The following SIGLECL1 variants were observed in gnomAD, a reference collection of about 807,000 sequenced individuals.
SIGLECL1 encodes SIGLEC family-like protein 1.
Under a neutral mutation model 19.1 loss-of-function variants are expected in SIGLECL1, and 16 were observed. The ratio of observed to expected loss-of-function variants is 0.84; its 90% CI spans 0.57 to 1.27. The LOEUF is 1.27. Among genes scored for constraint, SIGLECL1 ranks in the 50% most tolerant of loss-of-function variants. The probability of loss-of-function intolerance (pLI) is 0.00; values close to 1 mark genes in which losing one functional copy is unlikely to be tolerated. For synonymous variants in SIGLECL1, 89 were observed against 90.4 expected (o/e 0.98, Z 0.09); for missense variants, 210 against 239.4 (o/e 0.88, Z 0.81).
chr19:51,252,549 C>T (rs1330009924), intron 1 of SIGLECL1, among the ~76,000 whole-genome samples: 1 of 152,002 alleles, frequency 6.6e-6, no homozygotes, highest in Non-Finnish European at 1.5e-5. Context: ...AAGGCTCATT[C>T]CGACCATCTA....
At chr19:51,252,377 TG>T (rs1982546793) in intron 1 of SIGLECL1, among the ~76,000 whole-genome samples, 1 of 151,622 alleles carries the variant, frequency 6.6e-6, no homozygotes, top group Admixed American at 6.6e-5. Context: ...CTAAAACTGA[TG>T]GAGAGAAGAA....
At chr19:51,266,808 T>C (rs188616928) in intron 4 of SIGLECL1, among the ~76,000 whole-genome samples, 51 of 152,302 alleles carry the variant, frequency 3.3e-4, no homozygotes, top group Middle Eastern at 3.4e-3. Flanking sequence ...CAGGGGAGCC[T>C]GTCCAGACAG....
chr19:51,264,592 A>G (rs1001945125), intron 2 of SIGLECL1, among the ~76,000 whole-genome samples: 11 of 152,338 alleles, frequency 7.2e-5, no homozygotes, highest in African/African-American at 2.6e-4. Flanking sequence ...AACTTCAACG[A>G]AAAAGTGTGT....
intron 4 of SIGLECL1, 41 bp from the exon 5 acceptor site, chr19:51,267,332 G>T: frequency 6.3e-7 from 1 of 1,595,998 alleles, no homozygotes; most frequent in Non-Finnish European, 8.5e-7. Flanking sequence ...GGGATTCAGG[G>T]AGATGGAGAG....
chr19:51,256,460 T>C (rs900035618), intron 1 of SIGLECL1, among the ~76,000 whole-genome samples: 1 of 152,198 alleles, frequency 6.6e-6, no homozygotes, highest in Non-Finnish European at 1.5e-5. Context: ...ATGTAGAATC[T>C]AAGAAAGTCA....
intron 2 of SIGLECL1, 89 bp from the exon 3 acceptor site, chr19:51,265,279 A>G: frequency 7.0e-7 from 1 of 1,420,218 alleles, no homozygotes; most frequent in African/African-American, 1.4e-5. Flanking sequence ...CTCCTTGTGA[A>G]TAGCAAGTAA....
chr19:51,252,485 C>T (rs563905709), intron 1 of SIGLECL1, among the ~76,000 whole-genome samples: 31 of 152,230 alleles, frequency 2.0e-4, no homozygotes, highest in African/African-American at 7.5e-4. Flanking sequence ...AGGGAAAATA[C>T]TTGACCACAG....
upstream of SIGLECL1, among the ~76,000 whole-genome samples, chr19:51,247,545 A>G (rs981559309): frequency 1.3e-5 from 2 of 152,004 alleles, no homozygotes; most frequent in African/African-American, 4.8e-5. Context: ...CAGCCTCCCA[A>G]GTAGCTGGGA....
At position 51,265,608 on chromosome 19, in the gene SIGLECL1, A is replaced by T. The variant is rs1380087731; in HGVS notation, c.263A>T (p.Asn88Ile). Residue 88 changes from asparagine to isoleucine, a missense_variant, in exon 3 of 6, where the codon AAC (asparagine) becomes ATC (isoleucine). Physicochemically the swap from Asn to Ile is moderately radical, Grantham distance 149. Transcript: ENST00000601727. Reference sequence around the variant, plus strand: ...ATGAGACTTCTCTGTGAGGGGAAGAACCAAAACGGAACCCATGCTTTGAGC... The same window carrying T: ...ATGAGACTTCTCTGTGAGGGGAAGATCCAAAACGGAACCCATGCTTTGAGC... Reference protein sequence around the residue: ...MGMRLLCEGKNQNGTHALSIL... With the variant: ...MGMRLLCEGKIQNGTHALSIL... 5.6e-6 allele frequency: 9 copies of T among 1,614,032 alleles called. No homozygotes were observed. Among genetic ancestry groups the T allele is most frequent in the African/African-American group, 2.7e-5 (2 of 74,918 alleles).
Position 51,265,492 on chromosome 19 carries a change from T to G in SIGLECL1, c.147T>G (p.Asp49Glu), listed in dbSNP as rs770701275. Residue 49 changes from aspartate to glutamate, a missense_variant, in exon 3 of 6, where the codon GAT becomes GAG. Coordinates refer to ENST00000601727, the MANE Select transcript of SIGLECL1 (RefSeq NM_001385465.1). ...WWMGGVPVGV[D>E]GMDGSLQVTS... is the part of the protein sequence containing the mutation. ...TGGGAGGAGTCCCCGTGGGTGTGGA[T>G]GGCATGGATGGCAGCCTCCAAGTGA... 3 of 1,614,140 alleles carry G rather than the reference T, an allele frequency of 1.9e-6. No individual in the cohort carries two copies. The South Asian group carries it at 3.3e-5, about 18-fold the overall frequency.
rs148989707 is a variant in SIGLECL1 at position 51,263,865 on chromosome 19, T to C, written c.-190-18T>C. ...GTGCTCATGAGCCTCTCATCCCATA[T>C]AATTCCTGCTTCTCCAGGTGAACAG... On this transcript the variant is annotated intron_variant, in intron 1 of 5. Coordinates refer to ENST00000601727, the MANE Select transcript of SIGLECL1 (RefSeq NM_001385465.1). 328 of 536,578 alleles carry C rather than the reference T, an allele frequency of 6.1e-4. 1 individual carries two copies. Among genetic ancestry groups the C allele is most frequent in the African/African-American group, 5.8e-3 (300 of 51,430 alleles). The allele number at this position is 536,578 out of a possible 1,614,324, so 33.2% of individuals were successfully genotyped here. A position where few individuals can be genotyped will look rare whatever the true frequency, so the allele number is the denominator to read the frequency against.
At position 51,265,519 on chromosome 19, in the gene SIGLECL1, T is replaced by C. The variant is rs372679715; in HGVS notation, c.174T>C (p.Thr58=). The C allele has an allele frequency of 5.0e-6, 8 of 1,614,040 alleles. No individual in the cohort carries two copies. In the African/African-American group the frequency reaches 9.3e-5, roughly 19 times the overall value. Reference sequence around the variant, plus strand: ...GCATGGATGGCAGCCTCCAAGTGACTTCCACCATGCTTGGCCCCTGGGCTA... The same window carrying C: ...GCATGGATGGCAGCCTCCAAGTGACCTCCACCATGCTTGGCCCCTGGGCTA... ...VDGMDGSLQV[T]STMLGPWANS... Residue 58 remains threonine (T), a synonymous_variant, in exon 3 of 6, where the codon ACT becomes ACC. Coordinates refer to ENST00000601727, the MANE Select transcript of SIGLECL1 (RefSeq NM_001385465.1).
intron 1 of SIGLECL1, among the ~76,000 whole-genome samples, chr19:51,261,315 G>A (rs959801261): frequency 2.6e-5 from 4 of 152,008 alleles, no homozygotes; most frequent in African/African-American, 9.7e-5. Flanking sequence ...TTGAGACGGA[G>A]TCTTGCTCTG....
intron 4 of SIGLECL1, 109 bp downstream of exon 4, chr19:51,265,991 G>A: frequency 9.3e-7 from 1 of 1,076,686 alleles, no homozygotes; most frequent in Admixed American, 1.9e-5. Context: ...AAGGAGCTTA[G>A]GGTCTAAAGA....
chr19:51,261,399 C>CT (rs1983208325), intron 1 of SIGLECL1, among the ~76,000 whole-genome samples: 1 of 152,172 alleles, frequency 6.6e-6, no homozygotes, highest in Non-Finnish European at 1.5e-5. Context: ...TGCCATTCTC[C>CT]TGCCTCGGCC....
chr19:51,252,412 T>C (rs1320341467), intron 1 of SIGLECL1, among the ~76,000 whole-genome samples: 1 of 152,082 alleles, frequency 6.6e-6, no homozygotes, highest in Non-Finnish European at 1.5e-5. Flanking sequence ...ATTTTGTACT[T>C]AAATGGATCA....
At chr19:51,268,460 G>A in intron 5 of SIGLECL1, 111 bp from the exon 6 acceptor site, 1 of 1,149,094 alleles carries the variant, frequency 8.7e-7, no homozygotes, top group Middle Eastern at 1.9e-4. Flanking sequence ...CTCACTCCAT[G>A]TTGCCTTAAT....
intron 1 of SIGLECL1, among the ~76,000 whole-genome samples, chr19:51,253,814 G>A (rs940344391): frequency 3.9e-5 from 6 of 152,304 alleles, no homozygotes; most frequent in African/African-American, 1.4e-4. Flanking sequence ...TGAACGTAAC[G>A]GCTGCATGTC....
intron 2 of SIGLECL1, 136 bp from the exon 3 acceptor site, chr19:51,265,232 C>T: frequency 1.1e-6 from 1 of 930,540 alleles, no homozygotes; most frequent in African/African-American, 1.7e-5. Flanking sequence ...GTCTGGGAGG[C>T]CTGAATCCTG....
Sources: gnomAD v4.1 joint callset for allele counts (sites outside exome capture counted in the v4.1 genomes callset) on GRCh38, gnomAD v4.1.1 for gene constraint, MANE v1.5 for transcripts, NCBI Gene and HGNC (gene_info 2026-07-23, HGNC 2026-07-21) for gene names.